Variants in GDI2 observed in about 807,000 individuals in gnomAD.
The protein encoded by GDI2 is GDP dissociation inhibitor 2.
In GDI2, 22 loss-of-function variants were observed where a neutral mutation model predicts 54.2. That is an observed-to-expected ratio of 0.41 (90% CI 0.29 to 0.58). GDI2 has a LOEUF of 0.58. GDI2 is among the 20% of genes least tolerant of loss of function. The pLI is 0.35. For missense variants in GDI2, 422 were observed against 546.0 expected (o/e 0.77, Z 2.26); for synonymous variants, 177 against 182.1 (o/e 0.97, Z 0.23).
intron 6 of GDI2, among the ~76,000 whole-genome samples, chr10:5,777,629 G>GA (rs1204941049): frequency 1.3e-5 from 2 of 152,206 alleles, no homozygotes; most frequent in Non-Finnish European, 2.9e-5. Context: ...AAAAAGCCAG[G>GA]AAACAGCAGA....
intron 1 of GDI2, among the ~76,000 whole-genome samples, chr10:5,811,710 T>C (rs1841482514): frequency 1.3e-5 from 2 of 151,350 alleles, no homozygotes; most frequent in East Asian, 1.9e-4. Flanking sequence ...CCTATTCATT[T>C]AGGCATCCAA....
Position 5,768,205 on chromosome 10 carries a change from A to C in GDI2, c.991+8T>G. ...TTCTACCAACATCTGCTGGTCTTCA[A>C]ACCTCACCTGACTTTCGATTGACTT... is the stretch of plus-strand genomic sequence containing the variant. On this transcript the variant is annotated splice_region_variant and intron_variant, in intron 8 of 10. Coordinates refer to ENST00000380191, the MANE Select transcript of GDI2 (RefSeq NM_001494.4). This position sits in a 1 kb window ranked among gnomAD's most constrained non-coding sequence, Gnocchi z 4.4. 6.2e-7 allele frequency: 1 copy of C among 1,609,850 alleles called. No homozygotes were observed. Among genetic ancestry groups the C allele is most frequent in the East Asian group, 2.2e-5 (1 of 44,846 alleles).
chr10:5,795,231 G>A (rs1375699659), intron 3 of GDI2, among the ~76,000 whole-genome samples: 1 of 152,150 alleles, frequency 6.6e-6, no homozygotes, highest in Non-Finnish European at 1.5e-5. Flanking sequence ...CTGGGCTCAT[G>A]CAAGCTTCCA....
intron 5 of GDI2, 23 bp downstream of exon 5, chr10:5,785,829 A>G: frequency 7.1e-7 from 1 of 1,403,952 alleles, no homozygotes; most frequent in Non-Finnish European, 9.9e-7. Flanking sequence ...GAAAAATACA[A>G]ATCTAAAAAC....
At chr10:5,775,300 T>C (rs1564389600) in intron 6 of GDI2, among the ~76,000 whole-genome samples, 1 of 151,864 alleles carries the variant, frequency 6.6e-6, no homozygotes, top group Non-Finnish European at 1.5e-5. Context: ...AAAAAGATAG[T>C]AATAAAGTGG....
rs1840335728 is a variant in GDI2, at chr10:5,766,422, T to A, written c.1136+72A>T. ...AGCAGCTACCTGCCTTGCCCTCACATTCGTCCCACCATGGAGCCACAATCA... is the reference window on the plus strand; with the variant it reads ...AGCAGCTACCTGCCTTGCCCTCACAATCGTCCCACCATGGAGCCACAATCA... On this transcript the variant is annotated intron_variant, in intron 9 of 10. Coordinates refer to ENST00000380191, the MANE Select transcript of GDI2 (RefSeq NM_001494.4). This position sits in a 1 kb window ranked among gnomAD's most constrained non-coding sequence, Gnocchi z 5.8. 2.6e-6 allele frequency: 4 copies of A among 1,567,556 alleles called. No homozygotes were observed. In the South Asian group the frequency reaches 4.4e-5, roughly 17 times the overall value.
intron 1 of GDI2, among the ~76,000 whole-genome samples, chr10:5,812,109 G>C (rs1299121733): frequency 1.3e-5 from 2 of 151,256 alleles, no homozygotes; most frequent in African/African-American, 2.4e-5. Flanking sequence ...TCTTAATTAT[G>C]ATCAAGCAGC....
At chr10:5,771,857 C>T (rs1023377545) in intron 7 of GDI2, among the ~76,000 whole-genome samples, 5 of 152,114 alleles carry the variant, frequency 3.3e-5, no homozygotes, top group Middle Eastern at 3.4e-3. Flanking sequence ...TTTGGGAGGC[C>T]GAGGCAGGCA....
intron 1 of GDI2, among the ~76,000 whole-genome samples, chr10:5,804,060 G>A (rs1196195589): frequency 6.6e-6 from 1 of 150,754 alleles, no homozygotes; most frequent in African/African-American, 2.4e-5. Context: ...TTACCATGAG[G>A]TTCAAATTTC....
chr10:5,810,440 T>C (rs1841461315), intron 1 of GDI2, among the ~76,000 whole-genome samples: 1 of 152,158 alleles, frequency 6.6e-6, no homozygotes, highest in Non-Finnish European at 1.5e-5. Context: ...TGCCTACACA[T>C]GCTGAAAGCA....
At position 5,802,591 on chromosome 10, in the gene GDI2, C is replaced by T. The variant is rs547260771; in HGVS notation, c.46-1886G>A. Among the ~76,000 whole-genome samples the T allele has an allele frequency of 3.5e-4, 15 of 42,918 alleles. No homozygotes were observed. In the South Asian group the frequency reaches 0.016, roughly 47 times the overall value. The allele number at this position is 42,918 out of a possible 152,430, so 28.2% of individuals were successfully genotyped here. On this transcript the variant is annotated intron_variant, in intron 1 of 10. Coordinates refer to ENST00000380191, the MANE Select transcript of GDI2 (RefSeq NM_001494.4). ...TCCAGCCTGGTGTCAGAGCAAGACT[C>T]CATCTCAAAAAAAAAAAAAGAATTA...
At chr10:5,794,724 G>A (rs1841109794) in intron 4 of GDI2, among the ~76,000 whole-genome samples, 161 bp downstream of exon 4, 1 of 152,080 alleles carries the variant, frequency 6.6e-6, no homozygotes, top group South Asian at 2.1e-4. Context: ...TGAACATTTT[G>A]TTCACTGATG....
chr10:5,786,409 C>T (rs1001977165), intron 4 of GDI2, among the ~76,000 whole-genome samples: 2 of 151,916 alleles, frequency 1.3e-5, no homozygotes, highest in South Asian at 2.1e-4. Context: ...TCAGGTGATC[C>T]GCCCACCACG....
intron 1 of GDI2, among the ~76,000 whole-genome samples, chr10:5,810,420 G>A (rs1016725344): frequency 2.0e-5 from 3 of 150,904 alleles, no homozygotes; most frequent in Non-Finnish European, 2.9e-5. Context: ...CAAATTATGT[G>A]GTGAGAGGCT....
intron 3 of GDI2, 97 bp downstream of exon 3, chr10:5,796,666 G>T: frequency 1.5e-6 from 1 of 686,392 alleles, no homozygotes; most frequent in Non-Finnish European, 2.6e-6. Context: ...ACAAAATCCA[G>T]TTCCTCATAC....
chr10:5,802,029 T>A (rs1841282029), intron 1 of GDI2, among the ~76,000 whole-genome samples: 1 of 151,986 alleles, frequency 6.6e-6, no homozygotes, highest in Admixed American at 6.6e-5. Flanking sequence ...ATAAAGTTAT[T>A]TAATAAACAT....
intron 4 of GDI2, among the ~76,000 whole-genome samples, chr10:5,794,188 A>AATAT (rs1165735549): frequency 1.4e-3 from 58 of 40,324 alleles, no homozygotes; most frequent in East Asian, 3.1e-3. Flanking sequence ...AAAAAAAAAA[A>AATAT]ATATATATAT....
chr10:5,796,467 T>C (rs1170831843), intron 3 of GDI2, among the ~76,000 whole-genome samples: 1 of 152,232 alleles, frequency 6.6e-6, no homozygotes, highest in Non-Finnish European at 1.5e-5. Flanking sequence ...GCCCAGTTAT[T>C]TAAGACTGTC....
intron 2 of GDI2, 22 bp downstream of exon 2, chr10:5,800,576 A>G (rs1379470966): frequency 2.8e-6 from 3 of 1,059,022 alleles, no homozygotes; most frequent in Admixed American, 3.4e-5. Context: ...TGAGAGGCGT[A>G]TGAAATTTGA....
Sources: gnomAD v4.1 joint callset for allele counts (sites outside exome capture counted in the v4.1 genomes callset) on GRCh38, gnomAD v4.1.1 for gene constraint, Gnocchi (gnomAD v3.1) non-coding constraint, MANE v1.5 for transcripts, NCBI Gene and HGNC (gene_info 2026-07-23, HGNC 2026-07-21) for gene names.